SLC4A9: variants seen among roughly 807,000 people sequenced by gnomAD.
The protein encoded by SLC4A9 is anion exchange protein 4.
In SLC4A9, 102 loss-of-function variants were observed where a neutral mutation model predicts 103.2. The ratio of observed to expected loss-of-function variants is 0.99; its 90% confidence interval spans 0.84 to 1.17. SLC4A9 has a LOEUF of 1.17. Ranked by LOEUF, SLC4A9 falls within the 50% of genes most tolerant of loss-of-function variation. SLC4A9 has a pLI of 0.00. For missense variants in SLC4A9, 1,091 were observed against 1,193.7 expected, an observed-to-expected ratio of 0.91 and a Z score of 1.27; for synonymous variants, 453 against 483.6, an observed-to-expected ratio of 0.94 and a Z score of 0.83.
At position 140,366,005 on chromosome 5, in the gene SLC4A9, C is replaced by T. The variant is rs749285211; in HGVS notation, c.1882C>T (p.Arg628Cys). The change falls in exon 13 of 22, where the codon CGC becomes TGC. Residue 628 changes from arginine (R) to cysteine (C), a missense_variant. Transcript: ENST00000506757. Reference sequence around the variant, plus strand: ...GGCCCTCAAGTGTGTAAAGACCAGCCGCTTCTTCCCCTCTGTGGTGAGTTT... The same window carrying T: ...GGCCCTCAAGTGTGTAAAGACCAGCTGCTTCTTCCCCTCTGTGGTGAGTTT... ...AMALKCVKTS[R>C]FFPSVVRKGL... The T allele has an allele frequency of 1.7e-5, 27 of 1,613,846 alleles. No homozygotes were observed. In the East Asian group the frequency reaches 2.4e-4, roughly 15 times the overall value.
At position 140,360,940 on chromosome 5, in the gene SLC4A9, A is replaced by C. The variant is rs1290323814; in HGVS notation, c.359A>C (p.Asp120Ala). ...SLLAEGLVLL[D>A]CPAQSLLELV... ...CTGGCCGAGGGCCTTGTACTGCTGG[A>C]CTGCCCAGCTCAGAGCCTCCTGGAG... Residue 120 changes from aspartate (D) to alanine (A), a missense_variant, in exon 2 of 22, where the codon GAC becomes GCC. Coordinates refer to ENST00000506757, the MANE Select transcript of SLC4A9 (RefSeq NM_031467.3). The C allele has an allele frequency of 1.3e-6, 2 of 1,596,560 alleles. No homozygotes were observed. The highest frequency in any genetic ancestry group is 1.3e-5 in the African/African-American group (1 of 74,614).
intron 1 of SLC4A9, 42 bp downstream of exon 1, chr5:140,360,508 C>T: frequency 6.6e-7 from 1 of 1,515,714 alleles, no homozygotes; most frequent in Non-Finnish European, 9.0e-7. Flanking sequence ...CCTTCCCCTT[C>T]CCCAGCTGGA....
chr5:140,367,734 C>T lies in SLC4A9; in HGVS notation c.2190C>T (p.Phe730=). Residue 730 remains phenylalanine (F), a synonymous_variant, in exon 16 of 22, where the codon TTC becomes TTT. Coordinates refer to ENST00000506757, the MANE Select transcript of SLC4A9 (RefSeq NM_031467.3). ...ACTACCTGCAGAAGGGAGCTGGCTT[C>T]CACCTGGACCTCTTCTGTGTGGCTG... ...MEYRLQKGAG[F]HLDLFCVAVL... 6.2e-7 allele frequency: 1 copy of T among 1,613,974 alleles called. No individual in the cohort carries two copies. Among genetic ancestry groups the T allele is most frequent in the Non-Finnish European group, 8.5e-7 (1 of 1,179,878 alleles).
rs1220649627 is a variant in SLC4A9 at position 140,363,057 on chromosome 5, A to C, written c.953A>C (p.Gln318Pro). The change falls in exon 7 of 22, where the codon CAG becomes CCG. Residue 318 changes from glutamine to proline, a missense_variant. Transcript: ENST00000506757. The surrounding 1 kb of genome is among the most constrained non-coding windows in gnomAD (Gnocchi z 4.5). ...RIPPPKCLPS[Q>P]HKRLPSQQRE... ...CCCCCGCCCAAATGTCTGCCATCTC[A>C]GCACAAAAGGTACCTGGGAGCCATC... 6.2e-7 allele frequency: 1 copy of C among 1,613,222 alleles called. No homozygotes were observed. The highest frequency in any genetic ancestry group is 1.3e-5 in the African/African-American group (1 of 74,974).
Position 140,367,803 on chromosome 5 carries a change from C to T in SLC4A9, c.2259C>T (p.Val753=). The change falls in exon 16 of 22, where the codon GTC becomes GTT. Residue 753 remains valine, a synonymous_variant. Transcript: ENST00000506757. ...LTSALGLPWY[V]SATVISLAHM... is the part of the protein sequence containing the mutation. The stretch of plus-strand genomic sequence containing the variant: ...CAGCGCTTGGACTGCCTTGGTATGT[C>T]TCAGCCACTGTCATCTCCCTGGCTC... 6.2e-7 allele frequency: 1 copy of T among 1,613,982 alleles called. No homozygotes were observed. Among genetic ancestry groups the T allele is most frequent in the Non-Finnish European group, 8.5e-7 (1 of 1,179,890 alleles).
At chr5:140,361,089 C>T (rs573913603) in intron 2 of SLC4A9, 117 bp downstream of exon 2, 2 of 1,235,656 alleles carry the variant, frequency 1.6e-6, no homozygotes, top group East Asian at 2.6e-5. Flanking sequence ...GGATTGTCTA[C>T]CCTTGTCACA....
rs1037086819 is a variant in SLC4A9, at chr5:140,363,866, T to TG, written c.1223dup (p.Leu409SerfsTer7). The TG allele has an allele frequency of 1.5e-5, 25 of 1,613,828 alleles. No homozygotes were observed. The highest frequency in any genetic ancestry group is 2.1e-5 in the Non-Finnish European group (25 of 1,179,870). ...CCACTGTCACTAATGCCATCACTTT[T>TG]GGGGGTCTGCTGGGAGATGCCACTG... is the stretch of plus-strand genomic sequence containing the variant. On this transcript the variant is annotated frameshift_variant, in exon 9 of 22. Transcript: ENST00000506757. LOFTEE classifies it high-confidence loss of function. This position sits in a 1 kb window ranked among gnomAD's most constrained non-coding sequence, Gnocchi z 4.5.
rs1198198043 is a variant in SLC4A9, at chr5:140,367,580, A to C, written c.2174A>C (p.Gln725Pro). The change falls in exon 15 of 22, where the codon CAG (glutamine) becomes CCG (proline). Residue 725 changes from glutamine to proline, a missense_variant and splice_region_variant. Physicochemically the swap from Gln to Pro is moderately conservative, Grantham distance 76 (BLOSUM62 -1). Coordinates refer to ENST00000506757, the MANE Select transcript of SLC4A9 (RefSeq NM_031467.3). ...CTCAACCGCATGGAATACAGACTGC[A>C]GGTAAGGCCTGCTGGGTAAGGCCCA... ...VILNRMEYRL[Q>P]KGAGFHLDLF... 2 of 1,602,628 alleles carry C rather than the reference A, an allele frequency of 1.2e-6. No individual in the cohort carries two copies. Among genetic ancestry groups the C allele is most frequent in the Non-Finnish European group, 1.7e-6 (2 of 1,174,744 alleles).
chr5:140,364,625 G>A lies in SLC4A9; in HGVS notation c.1651G>A (p.Gly551Arg). The A allele has an allele frequency of 6.3e-7, 1 of 1,598,532 alleles. No homozygotes were observed. The highest frequency in any genetic ancestry group is 8.5e-7 in the Non-Finnish European group (1 of 1,172,228). The change falls in exon 11 of 22, where the codon GGA (glycine) becomes AGA (arginine). Residue 551 changes from glycine (G) to arginine (R), a missense_variant and splice_region_variant. Transcript: ENST00000506757. ...GCLCQYPGPG[G>R]NESQWIRTRP... ...CCTCTGCCAATACCCAGGCCCAGGA[G>A]GTGGGTAAGGGAAACAGGGACCTTG...
In SLC4A9 at chr5:140,367,687, C is replaced by A. The variant is rs1768096768; in HGVS notation, c.2176-33C>A. ...GACAGAGGGCTGGGGCCTGGGCTAG[C>A]TTCATCCTCATTGCCCCCACCACTA... On this transcript the variant is annotated intron_variant, in intron 15 of 21. Transcript: ENST00000506757. 4 of 1,612,506 alleles carry A rather than the reference C, an allele frequency of 2.5e-6. No homozygotes were observed. In the East Asian group the frequency reaches 8.9e-5, roughly 36 times the overall value.
intron 18 of SLC4A9, 142 bp downstream of exon 18, chr5:140,371,305 T>C (rs1768688004): frequency 2.9e-6 from 4 of 1,388,240 alleles, no homozygotes. Flanking sequence ...TCCCTCTTAC[T>C]CTCTTTTTCC....
chr5:140,362,490 C>T lies in SLC4A9; in HGVS notation c.765C>T (p.Tyr255=). 1 of 1,614,022 alleles carries T rather than the reference C, an allele frequency of 6.2e-7. No homozygotes were observed. Among genetic ancestry groups the T allele is most frequent in the East Asian group, 2.2e-5 (1 of 44,882 alleles). Residue 255 remains tyrosine (Y), a synonymous_variant, in exon 6 of 22, where the codon TAC becomes TAT. Transcript: ENST00000506757. The stretch of plus-strand genomic sequence containing the variant: ...GCCCCTGTATGCTGGGAAAGGGCTA[C>T]CATGAGATGGGACGGGCAGCAGCTG... The part of the protein sequence containing the change: ...LLGPCMLGKG[Y]HEMGRAAAVL...
chr5:140,361,028 T>C, intron 2 of SLC4A9, 56 bp downstream of exon 2: 2 of 1,461,982 alleles, frequency 1.4e-6, no homozygotes, highest in Non-Finnish European at 1.8e-6. Context: ...TTCCCCAGGA[T>C]TTCCCCTCCA....
At chr5:140,366,321 A>G (rs181849957) in intron 14 of SLC4A9, 57 bp downstream of exon 14, 2 of 1,220,296 alleles carry the variant, frequency 1.6e-6, no homozygotes, top group Non-Finnish European at 2.3e-6. Flanking sequence ...CCAGCAGACC[A>G]TGGGGAAGGA....
At chr5:140,360,492 T>A in intron 1 of SLC4A9, 26 bp downstream of exon 1, 1 of 1,544,896 alleles carries the variant, frequency 6.5e-7, no homozygotes, top group South Asian at 1.2e-5. Context: ...GCCAGTTCTG[T>A]GGGATCCTTC....
At position 140,363,560 on chromosome 5, in the gene SLC4A9, G is replaced by A. The variant is rs763034942; in HGVS notation, c.1079+5G>A. The A allele has an allele frequency of 1.9e-6, 3 of 1,552,322 alleles. No homozygotes were observed. Among genetic ancestry groups the A allele is most frequent in the South Asian group, 1.2e-5 (1 of 84,176 alleles). ...GGAGTTGCAGCGGACCGGCAGGTGAGGCGAGCTGGGAGGAAACAAGGGTAG... is the reference window on the plus strand; with the variant it reads ...GGAGTTGCAGCGGACCGGCAGGTGAAGCGAGCTGGGAGGAAACAAGGGTAG... On this transcript the variant is annotated splice_donor_5th_base_variant and intron_variant, in intron 8 of 21. Transcript: ENST00000506757. The surrounding 1 kb of genome is among the most constrained non-coding windows in gnomAD (Gnocchi z 4.5).
chr5:140,368,693 G>C, intron 17 of SLC4A9, 34 bp downstream of exon 17: 1 of 1,583,338 alleles, frequency 6.3e-7, no homozygotes, highest in Non-Finnish European at 8.7e-7. Context: ...ATCAGGGTCA[G>C]TGTAGTAATA....
rs1247092604 is a variant in SLC4A9, at chr5:140,362,333, G to T, written c.720-112G>T. On this transcript the variant is annotated intron_variant, in intron 5 of 21. Coordinates refer to ENST00000506757, the MANE Select transcript of SLC4A9 (RefSeq NM_031467.3). ...TAGTGGTCAGGGCTGCATGGTAGGT[G>T]TGCAAATGAGTGTGTTTATGGGAGC... 9.6e-6 allele frequency: 12 copies of T among 1,254,118 alleles called. No homozygotes were observed. The Middle Eastern group carries it at 7.6e-4, about 79-fold the overall frequency. 77.7% of individuals were successfully genotyped at this position (1,254,118 alleles called of 1,614,324 possible). A position where few individuals can be genotyped will look rare whatever the true frequency, so the allele number is the denominator to read the frequency against.
At chr5:140,361,021 C>T (rs1216770232) in intron 2 of SLC4A9, 49 bp downstream of exon 2, 1 of 1,470,130 alleles carries the variant, frequency 6.8e-7, no homozygotes, top group Non-Finnish European at 9.1e-7. Context: ...ATGCCTTTTC[C>T]CCAGGATTTC....
Sources: gnomAD v4.1 joint callset for allele counts on GRCh38, gnomAD v4.1.1 for gene constraint, Gnocchi (gnomAD v3.1) non-coding constraint, MANE v1.5 for transcripts, NCBI Gene and HGNC (gene_info 2026-07-23, HGNC 2026-07-21) for gene names.